ADGRL3: variants seen among roughly 807,000 people sequenced by gnomAD.
ADGRL3 encodes calcium-independent alpha-latrotoxin receptor 3.
Under a neutral mutation model 153.5 loss-of-function variants are expected in ADGRL3, and 62 were observed. The ratio of observed to expected loss-of-function variants is 0.40; its 90% confidence interval spans 0.33 to 0.50. The LOEUF is 0.50. ADGRL3 is among the 20% of genes least tolerant of loss of function. The pLI, the probability that ADGRL3 is intolerant of heterozygous loss-of-function variation, is 0.47. For missense variants in ADGRL3, 1,641 were observed against 1,859.4 expected, an observed-to-expected ratio of 0.88 and a Z score of 2.16; for synonymous variants, 710 against 672.5, an observed-to-expected ratio of 1.06 and a Z score of -0.86.
At chr4:61,327,602 T>C (rs953182134) in intron 1 of ADGRL3, among the ~76,000 whole-genome samples, 1 of 151,988 alleles carries the variant, frequency 6.6e-6, no homozygotes, top group African/African-American at 2.4e-5. Context: ...TTTGGAGTCA[T>C]GAGCATACAG....
chr4:61,408,872 G>A (rs780819708), intron 2 of ADGRL3, among the ~76,000 whole-genome samples: 30 of 151,850 alleles, frequency 2.0e-4, no homozygotes, highest in Non-Finnish European at 3.7e-4. Flanking sequence ...ATTTCTAAGA[G>A]TGTTTAAATC....
At chr4:62,069,604 G>T (rs1744770737) in intron 26 of ADGRL3, among the ~76,000 whole-genome samples, 1 of 151,868 alleles carries the variant, frequency 6.6e-6, no homozygotes, top group Non-Finnish European at 1.5e-5. Flanking sequence ...GACACTGCTT[G>T]TTGCTTTTAC....
chr4:61,610,351 G>A (rs1405916566), intron 5 of ADGRL3, among the ~76,000 whole-genome samples: 1 of 152,032 alleles, frequency 6.6e-6, no homozygotes, highest in Admixed American at 6.6e-5. Flanking sequence ...CTACTGCCAA[G>A]AATTACCCAG....
Position 61,453,107 on chromosome 4 carries a change from C to T in ADGRL3, c.-173-44014C>T, listed in dbSNP as rs143159218. ...GTGAAAGAGCAGGGACTAGCTCTTT[C>T]CTGAAGGTTGAATGTGAAACATTTT... On this transcript the variant is annotated intron_variant, in intron 2 of 26. Coordinates refer to ENST00000683033, the MANE Select transcript of ADGRL3 (RefSeq NM_001387552.1). Among the ~76,000 whole-genome samples the T allele has an allele frequency of 2.7e-3, 414 of 152,086 alleles. 2 individuals carry two copies. Among genetic ancestry groups the T allele is most frequent in the Middle Eastern group, 0.01 (3 of 292 alleles).
intron 4 of ADGRL3, among the ~76,000 whole-genome samples, chr4:61,553,893 C>T (rs1008790321): frequency 6.6e-6 from 1 of 151,954 alleles, no homozygotes; most frequent in African/African-American, 2.4e-5. Context: ...TTAGCTTATG[C>T]AAATGGAGAG....
intron 17 of ADGRL3, among the ~76,000 whole-genome samples, chr4:61,973,781 A>G (rs1055111579): frequency 6.6e-6 from 1 of 152,030 alleles, no homozygotes; most frequent in African/African-American, 2.4e-5. Flanking sequence ...TTTTAGTGTC[A>G]TCTTTGTTTG....
At chr4:61,232,673 C>CTAT (rs1014926102) in intron 1 of ADGRL3, among the ~76,000 whole-genome samples, 15 of 151,984 alleles carry the variant, frequency 9.9e-5, no homozygotes, top group African/African-American at 2.7e-4. Context: ...ATAGCACTTG[C>CTAT]TATTATTATT....
intron 25 of ADGRL3, chr4:62,063,596 C>G (rs745597831): frequency 1.4e-6 from 1 of 698,710 alleles, no homozygotes; most frequent in South Asian, 1.5e-5. Context: ...AACCGGCGGT[C>G]TGTAACAACC....
chr4:61,805,178 G>A (rs1242971562), intron 8 of ADGRL3, among the ~76,000 whole-genome samples: 3 of 151,724 alleles, frequency 2.0e-5, no homozygotes, highest in African/African-American at 7.3e-5. Context: ...TCCTGACCTC[G>A]TGATCCGCCC....
intron 2 of ADGRL3, among the ~76,000 whole-genome samples, chr4:61,490,965 A>G (rs948827028): frequency 6.6e-6 from 1 of 152,164 alleles, no homozygotes; most frequent in Non-Finnish European, 1.5e-5. Flanking sequence ...ACAAAACATA[A>G]TATATTTTAC....
intron 8 of ADGRL3, among the ~76,000 whole-genome samples, chr4:61,742,424 G>T (rs1030791475): frequency 2.0e-5 from 3 of 151,856 alleles, no homozygotes; most frequent in African/African-American, 7.3e-5. Context: ...GACTACAGGC[G>T]CCCGCCACCA....
chr4:61,874,452 T>G (rs2098462456), intron 9 of ADGRL3, among the ~76,000 whole-genome samples: 1 of 152,092 alleles, frequency 6.6e-6, no homozygotes, highest in Non-Finnish European at 1.5e-5. Context: ...ACCTTAGCCT[T>G]ATTCTATAAG....
intron 1 of ADGRL3, among the ~76,000 whole-genome samples, chr4:61,241,753 A>T (rs1455137597): frequency 6.6e-6 from 1 of 151,940 alleles, no homozygotes; most frequent in Non-Finnish European, 1.5e-5. Context: ...TTCAGACACC[A>T]CTGACTCTTA....
intron 2 of ADGRL3, among the ~76,000 whole-genome samples, chr4:61,388,391 A>G (rs1341933329): frequency 6.6e-6 from 1 of 152,208 alleles, no homozygotes; most frequent in Non-Finnish European, 1.5e-5. Flanking sequence ...ACAGGAAATG[A>G]CCTCTTTCAG....
Position 61,733,528 on chromosome 4 carries a change from AT to A in ADGRL3, c.1377del (p.Phe459LeufsTer29). 6.2e-7 allele frequency: 1 copy of A among 1,613,142 alleles called. No individual in the cohort carries two copies. Among genetic ancestry groups the A allele is most frequent in the Non-Finnish European group, 8.5e-7 (1 of 1,179,516 alleles). On this transcript the variant is annotated frameshift_variant, in exon 8 of 27. Coordinates refer to ENST00000683033, the MANE Select transcript of ADGRL3 (RefSeq NM_001387552.1). LOFTEE classifies it high-confidence loss of function. ...TATCACGTCGTGAAATATTCTTTGGATTTTGGACCTCTGGATAGTAGATCAG... is the reference window on the plus strand; with the variant it reads ...TATCACGTCGTGAAATATTCTTTGGATTTGGACCTCTGGATAGTAGATCAG... ...NNYHVVKYSLDFGPLDSRSGQ... is the reference protein window; with the variant it reads ...NNYHVVKYSLXFGPLDSRSGQ...
chr4:61,772,717 A>G (rs991553096), intron 8 of ADGRL3, among the ~76,000 whole-genome samples: 11 of 152,100 alleles, frequency 7.2e-5, no homozygotes, highest in African/African-American at 1.7e-4. Flanking sequence ...TCCACTGGGT[A>G]TATGAAGGGC....
At chr4:61,736,068 TG>T (rs1257967882) in intron 8 of ADGRL3, among the ~76,000 whole-genome samples, 5 of 152,074 alleles carry the variant, frequency 3.3e-5, no homozygotes, top group African/African-American at 9.7e-5. Context: ...TATACATATA[TG>T]TATAAATGTA....
intron 23 of ADGRL3, among the ~76,000 whole-genome samples, chr4:62,036,726 C>A (rs111334667): frequency 1.3e-5 from 2 of 151,748 alleles, no homozygotes; most frequent in Non-Finnish European, 1.5e-5. Context: ...TGCACTAATG[C>A]GAAATCAAAT....
intron 4 of ADGRL3, among the ~76,000 whole-genome samples, chr4:61,564,542 G>A (rs1479079102): frequency 6.6e-6 from 1 of 152,204 alleles, no homozygotes; most frequent in African/African-American, 2.4e-5. Context: ...CAAAGTGGTG[G>A]AATTATAGGC....
Sources: gnomAD v4.1 joint callset for allele counts (sites outside exome capture counted in the v4.1 genomes callset) on GRCh38, gnomAD v4.1.1 for gene constraint, MANE v1.5 for transcripts, NCBI Gene and HGNC (gene_info 2026-07-23, HGNC 2026-07-21) for gene names.